KAZN: variants seen among roughly 807,000 people sequenced by gnomAD.
KAZN encodes the protein kazrin.
KAZN carries 40 observed loss-of-function variants against 87.4 expected under a neutral mutation model. The ratio of observed to expected loss-of-function variants is 0.46; its 90% CI spans 0.36 to 0.60. The LOEUF (loss-of-function observed/expected upper bound fraction) is 0.60, where lower values mean the gene tolerates loss of function less well. KAZN is among the 20% of genes least tolerant of loss of function. The probability of loss-of-function intolerance (pLI) is 0.00; values close to 1 mark genes in which losing one functional copy is unlikely to be tolerated. For synonymous variants in KAZN, 466 were observed against 458.3 expected, an observed-to-expected ratio of 1.02 and a Z score of -0.22; for missense variants, 898 against 1,073.9, an observed-to-expected ratio of 0.84 and a Z score of 2.29.
In KAZN at chr1:14,244,879, G is replaced by A. The variant is rs115476723; in HGVS notation, c.249+64287G>A. Among the ~76,000 whole-genome samples the A allele has an allele frequency of 3.6e-3, 553 of 152,178 alleles. 4 individuals are homozygous for A. In the Middle Eastern group the frequency reaches 0.051, roughly 14 times the overall value. On this transcript the variant is annotated intron_variant, in intron 2 of 16. Transcript: ENST00000636203. ...TCAGTGCAGACTGATGCTTTTATTC[G>A]GAGCGAGTTGAGGCAATTGTAGTAT...
chr1:14,319,525 G>C (rs1015582070), intron 2 of KAZN, among the ~76,000 whole-genome samples: 1 of 152,078 alleles, frequency 6.6e-6, no homozygotes, highest in Non-Finnish European at 1.5e-5. Context: ...GCCGATTCTC[G>C]GGCTCTTTTT....
At chr1:14,676,423 A>T (rs1640222272) in intron 1 of KAZN, among the ~76,000 whole-genome samples, 1 of 151,630 alleles carries the variant, frequency 6.6e-6, no homozygotes, top group Non-Finnish European at 1.5e-5. Flanking sequence ...AGGCCACTTC[A>T]CGTCCCTGAG....
chr1:14,415,959 C>T (rs1178375629), intron 2 of KAZN, among the ~76,000 whole-genome samples: 1 of 152,118 alleles, frequency 6.6e-6, no homozygotes, highest in Non-Finnish European at 1.5e-5. Flanking sequence ...AAGACAAACT[C>T]CAGGGGCTGT....
intron 3 of KAZN, among the ~76,000 whole-genome samples, chr1:15,042,639 A>G (rs1329153577): frequency 2.6e-5 from 4 of 152,222 alleles, no homozygotes; most frequent in Admixed American, 2.6e-4. Context: ...GATGACTCAC[A>G]GCAGTCATTG....
At chr1:14,847,360 A>G (rs1440842677) in intron 1 of KAZN, among the ~76,000 whole-genome samples, 1 of 152,126 alleles carries the variant, frequency 6.6e-6, no homozygotes, top group Non-Finnish European at 1.5e-5. Flanking sequence ...AAGAACAGAC[A>G]CTGGCTGTGT....
intron 2 of KAZN, chr1:14,390,889 A>C (rs1311167200): frequency 6.6e-6 from 1 of 152,584 alleles, no homozygotes; most frequent in African/African-American, 2.4e-5. Flanking sequence ...TGCCACCACC[A>C]TGTTGCCAAG....
rs12409627 is a variant in KAZN, at chr1:14,315,616, G to A, written c.249+135024G>A. 1.6e-3 allele frequency among the ~76,000 whole-genome samples: 240 copies of A among 152,078 alleles called. 3 individuals carry two copies. Among genetic ancestry groups the A allele is most frequent in the Admixed American group, 0.014 (221 of 15,248 alleles). ...CTTTCTAACACTATAGACCAAATTT[G>A]TCTTTGTTAGAATTTCATATAAATG... On this transcript the variant is annotated intron_variant, in intron 2 of 16. Transcript: ENST00000636203.
At chr1:14,066,238 G>C (rs1183114501) in intron 1 of KAZN, among the ~76,000 whole-genome samples, 1 of 152,150 alleles carries the variant, frequency 6.6e-6, no homozygotes, top group Non-Finnish European at 1.5e-5. Flanking sequence ...CCTTAGGTTG[G>C]TTCCATATCT....
chr1:14,102,279 T>G (rs1644273875), intron 1 of KAZN, among the ~76,000 whole-genome samples: 1 of 152,054 alleles, frequency 6.6e-6, no homozygotes, highest in South Asian at 2.1e-4. Context: ...ATGGTTAACT[T>G]CTCTGTCTGG....
At chr1:14,388,714 A>G (rs970609450) in intron 2 of KAZN, among the ~76,000 whole-genome samples, 8 of 152,216 alleles carry the variant, frequency 5.3e-5, no homozygotes, top group African/African-American at 1.9e-4. Flanking sequence ...AGAATTACAG[A>G]CTTAAATATA....
chr1:14,441,369 GGCAGCGGCAGCA>G lies in KAZN; in HGVS notation c.250-157608_250-157597del, dbSNP rs1474470881. Among the ~76,000 whole-genome samples the G allele has an allele frequency of 5.3e-5, 8 of 152,094 alleles. No homozygotes were observed. In the South Asian group the frequency reaches 8.3e-4, roughly 16 times the overall value. Reference sequence around the variant, plus strand: ...CCAGTATGTTGTTCCGGGCAGCAGCGGCAGCGGCAGCAGCAGCAGCAGCAGCACCTGGGAACT... The same window carrying G: ...CCAGTATGTTGTTCCGGGCAGCAGCGGCAGCAGCAGCAGCACCTGGGAACT... On this transcript the variant is annotated intron_variant, in intron 2 of 16. Coordinates refer to the KAZN transcript ENST00000636203.
intron 2 of KAZN, among the ~76,000 whole-genome samples, chr1:14,365,373 G>T (rs556934876): frequency 8.7e-5 from 13 of 148,910 alleles, no homozygotes; most frequent in South Asian, 4.3e-4. Flanking sequence ...CGGGGTGGGG[G>T]GGGGGGGGGT....
At chr1:13,957,327 C>G (rs1641585281) in intron 1 of KAZN, among the ~76,000 whole-genome samples, 2 of 152,172 alleles carry the variant, frequency 1.3e-5, no homozygotes, top group African/African-American at 2.4e-5. Context: ...CAATCCAGAT[C>G]CCTGCTCTTC....
chr1:14,187,528 CCAT>C (rs1646333849), intron 2 of KAZN, among the ~76,000 whole-genome samples: 1 of 152,116 alleles, frequency 6.6e-6, no homozygotes, highest in Admixed American at 6.5e-5. Context: ...CCCAATCCCA[CCAT>C]CACCCTTTAG....
intron 2 of KAZN, among the ~76,000 whole-genome samples, chr1:14,581,287 T>C (rs1675531051): frequency 6.6e-6 from 1 of 152,194 alleles, no homozygotes; most frequent in African/African-American, 2.4e-5. Context: ...TTCCACTTGC[T>C]TAAATACAAG....
chr1:14,969,349 T>A (rs61773645), intron 2 of KAZN, among the ~76,000 whole-genome samples: 6,533 of 152,360 alleles, frequency 0.043, 202 homozygotes, highest in Middle Eastern at 0.13. Flanking sequence ...ATGCAGTTCA[T>A]CACCTGGGGT....
intron 1 of KAZN, among the ~76,000 whole-genome samples, chr1:14,877,206 G>A (rs548499662): frequency 2.5e-4 from 38 of 152,186 alleles, no homozygotes; most frequent in South Asian, 8.3e-4. Flanking sequence ...TCTGTCTCCC[G>A]TTACTCCCTT....
chr1:14,367,500 GCAA>G (rs1343819359), intron 2 of KAZN, among the ~76,000 whole-genome samples: 2 of 152,114 alleles, frequency 1.3e-5, no homozygotes, highest in African/African-American at 4.8e-5. Context: ...TTTGGAAAAG[GCAA>G]CATTTGAGCA....
intron 2 of KAZN, among the ~76,000 whole-genome samples, chr1:14,423,813 A>G (rs893942782): frequency 2.0e-5 from 3 of 152,180 alleles, no homozygotes; most frequent in Admixed American, 6.5e-5. Context: ...TTTTGCTGGA[A>G]CTTTTGGGGA....
Sources: allele counts gnomAD v4.1 joint callset (sites outside exome capture counted in the v4.1 genomes callset), GRCh38; gene constraint gnomAD v4.1.1; transcripts MANE v1.5; gene names NCBI Gene and HGNC (gene_info 2026-07-23, HGNC 2026-07-21).